The following FRG1 variants were observed in gnomAD, a reference collection of about 807,000 sequenced individuals.
FRG1 encodes the protein FSHD region gene 1.
A neutral mutation model predicts 37.0 loss-of-function variants in FRG1; 19 were observed. The ratio of observed to expected loss-of-function variants is 0.51; its 90% CI spans 0.36 to 0.75. FRG1 has a LOEUF of 0.75. Ranked by LOEUF, FRG1 falls within the 30% of genes least tolerant of loss-of-function variation. FRG1 has a pLI of 0.00. For missense variants in FRG1, 243 were observed against 301.4 expected, an observed-to-expected ratio of 0.81 and a Z score of 1.44; for synonymous variants, 73 against 96.5, an observed-to-expected ratio of 0.76 and a Z score of 1.43.
In FRG1 at chr4:189,943,143, C is replaced by A. The variant is rs563057164; in HGVS notation, c.63-59C>A. ...AAAAGACTTTCAAGTTTCAATCTTA[C>A]AATATTTATCGTACAAATCAATATA... On this transcript the variant is annotated intron_variant, in intron 1 of 8. Coordinates refer to ENST00000226798, the MANE Select transcript of FRG1 (RefSeq NM_004477.3). The A allele has an allele frequency of 1.5e-5, 22 of 1,467,298 alleles. No homozygotes were observed. In the South Asian group the frequency reaches 2.7e-4, roughly 18 times the overall value. The allele number at this position is 1,467,298 out of a possible 1,614,324, so 90.9% of individuals were successfully genotyped here. A position where few individuals can be genotyped will look rare whatever the true frequency, so the allele number is the denominator to read the frequency against.
intron 5 of FRG1, among the ~76,000 whole-genome samples, chr4:189,956,224 G>GC (rs932182552): frequency 5.3e-5 from 8 of 150,726 alleles, no homozygotes; most frequent in African/African-American, 1.7e-4. Context: ...TCCTTCCCCC[G>GC]CCCCCCATAC....
chr4:189,947,325 A>ATAAGG (rs1284950787), intron 2 of FRG1, among the ~76,000 whole-genome samples: 1 of 54,348 alleles, frequency 1.8e-5, no homozygotes. Flanking sequence ...TGAAGCCGTC[A>ATAAGG]TGTGTACACA....
At chr4:189,944,414 T>C (rs1269382854) in intron 2 of FRG1, among the ~76,000 whole-genome samples, 1 of 152,166 alleles carries the variant, frequency 6.6e-6, no homozygotes, top group Non-Finnish European at 1.5e-5. Context: ...TTAATTTTTA[T>C]AAAGCTCAGT....
At chr4:189,952,924 A>T (rs1366057362) in intron 3 of FRG1, 144 bp from the exon 4 acceptor site, 15 of 1,265,132 alleles carry the variant, frequency 1.2e-5, no homozygotes, top group Non-Finnish European at 1.6e-5. Flanking sequence ...GATTCCAAAG[A>T]TACAGTATTA....
chr4:189,947,302 G>A (rs1736573024), intron 2 of FRG1, among the ~76,000 whole-genome samples: 1 of 141,110 alleles, frequency 7.1e-6, no homozygotes, highest in Non-Finnish European at 1.5e-5. Flanking sequence ...AGCAGTTTTT[G>A]CTTAAAGTAT....
chr4:189,957,977 T>G lies in FRG1; in HGVS notation c.537+475T>G, dbSNP rs931127073. On this transcript the variant is annotated intron_variant, in intron 6 of 8. Coordinates refer to ENST00000226798, the MANE Select transcript of FRG1 (RefSeq NM_004477.3). The stretch of plus-strand genomic sequence containing the variant: ...CTCCTAAAATTTCTTTATAAACATA[T>G]GAATATGTTTATAATTTTCAACTGT... Among the ~76,000 whole-genome samples, 3 of 152,228 alleles carry G rather than the reference T, an allele frequency of 2.0e-5. No individual in the cohort carries two copies. In the South Asian group the frequency reaches 6.2e-4, roughly 32 times the overall value.
chr4:189,945,278 G>A (rs1736477314), intron 2 of FRG1, among the ~76,000 whole-genome samples: 2 of 152,082 alleles, frequency 1.3e-5, no homozygotes, highest in Admixed American at 1.3e-4. Flanking sequence ...TACTGTCCAG[G>A]ACTTCTATAG....
At chr4:189,946,311 C>CA (rs34356772) in intron 2 of FRG1, among the ~76,000 whole-genome samples, 2,713 of 105,456 alleles carry the variant, frequency 0.026, 77 homozygotes, top group African/African-American at 0.073. Flanking sequence ...GCTGATAAGC[C>CA]AAAAAAAAAA....
In FRG1 at chr4:189,954,592, TTTC is replaced by T. The variant is rs1248374553; in HGVS notation, c.318-442_318-440del. On this transcript the variant is annotated intron_variant, in intron 4 of 8. Transcript: ENST00000226798. ...GCAGCAACTAGTCACATGTAGCTTT[TTTC>T]TTTTTTTTTTTTTTAAAGGCACAGA... is the stretch of plus-strand genomic sequence containing the variant. 2.0e-3 allele frequency among the ~76,000 whole-genome samples: 274 copies of T among 136,386 alleles called. 1 individual carries two copies. The highest frequency in any genetic ancestry group is 5.9e-3 in the African/African-American group (224 of 37,992). 89.5% of individuals were successfully genotyped at this position (136,386 alleles called of 152,430 possible).
intron 6 of FRG1, among the ~76,000 whole-genome samples, chr4:189,959,562 C>T (rs1213847463): frequency 6.6e-6 from 1 of 152,154 alleles, no homozygotes; most frequent in Non-Finnish European, 1.5e-5. Context: ...TTGTGACTTA[C>T]ATTTAATTTT....
chr4:189,943,501 C>CA (rs1736406989), intron 2 of FRG1, among the ~76,000 whole-genome samples: 1 of 152,138 alleles, frequency 6.6e-6, no homozygotes, highest in South Asian at 2.1e-4. Flanking sequence ...TAGTAGGCAC[C>CA]ATTAGACTGC....
chr4:189,961,747 G>T lies in FRG1; in HGVS notation c.630-75G>T, dbSNP rs1737245183. Reference sequence around the variant, plus strand: ...TTTACAAGTGAAAAAGAAATTAACAGTATTTATAAATTTAATAGTAAATAT... The same window carrying T: ...TTTACAAGTGAAAAAGAAATTAACATTATTTATAAATTTAATAGTAAATAT... On this transcript the variant is annotated intron_variant, in intron 7 of 8. Coordinates refer to ENST00000226798, the MANE Select transcript of FRG1 (RefSeq NM_004477.3). 1.5e-5 allele frequency: 10 copies of T among 670,728 alleles called. No individual in the cohort carries two copies. In the South Asian group the frequency reaches 2.0e-4, roughly 13 times the overall value. The allele number at this position is 670,728 out of a possible 1,614,324, so 41.5% of individuals were successfully genotyped here.
intron 1 of FRG1, among the ~76,000 whole-genome samples, chr4:189,942,880 T>A (rs1218243302): frequency 1.3e-5 from 2 of 152,190 alleles, no homozygotes; most frequent in African/African-American, 4.8e-5. Context: ...TAGGTTAAGT[T>A]ACTATCCTAA....
intron 2 of FRG1, among the ~76,000 whole-genome samples, chr4:189,945,868 A>G (rs1561064264): frequency 1.3e-5 from 2 of 152,148 alleles, no homozygotes; most frequent in African/African-American, 4.8e-5. Context: ...AGAATTCACC[A>G]GTGAAGTCAG....
chr4:189,954,711 C>T (rs532058801), intron 4 of FRG1, among the ~76,000 whole-genome samples: 2 of 151,778 alleles, frequency 1.3e-5, no homozygotes, highest in South Asian at 4.2e-4. Context: ...CCTCCTGCGT[C>T]AGCCTCCCAA....
At chr4:189,959,929 T>C in intron 6 of FRG1, 1 of 962,752 alleles carries the variant, frequency 1.0e-6, no homozygotes, top group Non-Finnish European at 1.2e-6. Flanking sequence ...AAAGGTAGCC[T>C]TGTGTTACCT....
At chr4:189,950,565 T>C (rs1365829941) in intron 2 of FRG1, among the ~76,000 whole-genome samples, 1 of 152,224 alleles carries the variant, frequency 6.6e-6, no homozygotes, top group African/African-American at 2.4e-5. Flanking sequence ...AGGGTCCAAC[T>C]TCATTTTAGC....
chr4:189,941,153 C>G (rs113103763), intron 1 of FRG1, 82 bp downstream of exon 1: 25 of 1,268,072 alleles, frequency 2.0e-5, no homozygotes, highest in Middle Eastern at 2.2e-4. Flanking sequence ...GAAGCCGTGG[C>G]GCGGAGAGCC....
intron 4 of FRG1, among the ~76,000 whole-genome samples, chr4:189,954,297 C>T (rs1288177260): frequency 6.6e-6 from 1 of 151,956 alleles, no homozygotes; most frequent in Non-Finnish European, 1.5e-5. Flanking sequence ...AGTTTGATGA[C>T]ATAAGAACTT....
Sources: allele counts gnomAD v4.1 joint callset (sites outside exome capture counted in the v4.1 genomes callset), GRCh38; gene constraint gnomAD v4.1.1; transcripts MANE v1.5; gene names NCBI Gene and HGNC (gene_info 2026-07-23, HGNC 2026-07-21).